The following FHL5 variants were observed in gnomAD, a reference collection of about 807,000 sequenced individuals.
FHL5 encodes the protein four and a half LIM domains protein 5.
A neutral mutation model predicts 32.0 loss-of-function variants in FHL5; 33 were observed. The ratio of observed to expected loss-of-function variants is 1.03; its 90% CI spans 0.78 to 1.38. The LOEUF is 1.38. Among genes scored for constraint, FHL5 ranks in the 40% most tolerant of loss-of-function variants. FHL5 has a pLI of 0.00. For synonymous variants in FHL5, 114 were observed against 113.6 expected (o/e 1.00, Z -0.02); for missense variants, 336 against 343.9 (o/e 0.98, Z 0.18).
Position 96,617,985 on chromosome 6 carries a change from G to A in FHL5, c.*2213G>A, listed in dbSNP as rs28555281. 0.12 allele frequency among the ~76,000 whole-genome samples: 18,505 copies of A among 152,152 alleles called. 1,200 individuals are homozygous for A. Among genetic ancestry groups the A allele is most frequent in the East Asian group, 0.25 (1,314 of 5,168 alleles). ...GCCAAAAGTTAGAGCTTATACTGTT[G>A]TGGGTCTGGAGTTGTAGGAGGATGG... On this transcript the variant is annotated 3_prime_UTR_variant, in exon 6 of 6. Transcript: ENST00000450218.
chr6:96,567,665 A>G, intron 1 of FHL5, among the ~76,000 whole-genome samples: 1 of 151,368 alleles, frequency 6.6e-6, no homozygotes, highest in East Asian at 1.9e-4. Context: ...AATTTTTTTT[A>G]TCAGTGTTTT....
At chr6:96,579,187 C>G (rs1012625764) in intron 1 of FHL5, among the ~76,000 whole-genome samples, 4 of 152,112 alleles carry the variant, frequency 2.6e-5, no homozygotes, top group Admixed American at 2.6e-4. Context: ...AATTCTGCAT[C>G]ATGAAAAAAT....
chr6:96,616,306 C>T lies in FHL5; in HGVS notation c.*534C>T, dbSNP rs1002014380. 2.0e-5 allele frequency: 3 copies of T among 152,134 alleles called. No individual in the cohort carries two copies. The highest frequency in any genetic ancestry group is 4.4e-5 in the Non-Finnish European group (3 of 68,048). The allele number at this position is 152,134 out of a possible 1,614,324, so 9.4% of individuals were successfully genotyped here. A position where few individuals can be genotyped will look rare whatever the true frequency, so the allele number is the denominator to read the frequency against. ...TCATCCTTTTTTTCACACATACTGA[C>T]TGTAGAATTAAAAAACAAAGCTACA... On this transcript the variant is annotated 3_prime_UTR_variant, in exon 6 of 6. Coordinates refer to ENST00000450218, the MANE Select transcript of FHL5 (RefSeq NM_001322466.2).
At position 96,610,559 on chromosome 6, in the gene FHL5, T is replaced by C. The variant is rs763450543; in HGVS notation, c.505-13T>C. ...GCTCCCATGGTCATTGCCTTTTCTGTGGTCTTTGGCAGGTGATAACTTCAG... is the reference window on the plus strand; with the variant it reads ...GCTCCCATGGTCATTGCCTTTTCTGCGGTCTTTGGCAGGTGATAACTTCAG... On this transcript the variant is annotated splice_polypyrimidine_tract_variant and intron_variant, in intron 4 of 5. Transcript: ENST00000450218. 6.2e-7 allele frequency: 1 copy of C among 1,607,668 alleles called. No individual in the cohort carries two copies. The highest frequency in any genetic ancestry group is 8.5e-7 in the Non-Finnish European group (1 of 1,174,838).
chr6:96,566,859 T>C (rs1192376173), intron 1 of FHL5, among the ~76,000 whole-genome samples: 1 of 151,966 alleles, frequency 6.6e-6, no homozygotes, highest in Non-Finnish European at 1.5e-5. Flanking sequence ...TTATTTGCTA[T>C]TGAGCTCATT....
intron 1 of FHL5, among the ~76,000 whole-genome samples, chr6:96,572,999 G>T (rs534597767): frequency 6.6e-6 from 1 of 152,248 alleles, no homozygotes; most frequent in East Asian, 1.9e-4. Flanking sequence ...CTATCTTGCT[G>T]CTATCTCTCT....
In FHL5 at chr6:96,612,078, C is replaced by T. The variant is rs117423398; in HGVS notation, c.691+1320C>T. The stretch of plus-strand genomic sequence containing the variant: ...TGCATGGGGCATGCCCTCTCTGTCC[C>T]TTGCACCCTGTCTGCATCACTCAGC... On this transcript the variant is annotated intron_variant, in intron 5 of 5. Coordinates refer to ENST00000450218, the MANE Select transcript of FHL5 (RefSeq NM_001322466.2). Among the ~76,000 whole-genome samples the T allele has an allele frequency of 1.2e-3, 179 of 152,326 alleles. 3 individuals are homozygous for T. In the East Asian group the frequency reaches 0.032, roughly 28 times the overall value.
At chr6:96,590,342 A>G (rs181555110) in intron 1 of FHL5, among the ~76,000 whole-genome samples, 4 of 151,978 alleles carry the variant, frequency 2.6e-5, no homozygotes, top group Non-Finnish European at 4.4e-5. Context: ...ATAATTTTCT[A>G]TGTAGAGAGC....
chr6:96,594,234 T>C (rs1171595665), intron 1 of FHL5, among the ~76,000 whole-genome samples: 2 of 28,162 alleles, frequency 7.1e-5, no homozygotes, highest in African/African-American at 1.8e-4. Flanking sequence ...AATTTATATA[T>C]ATATATATAT....
In FHL5 at chr6:96,575,376, T is replaced by C. The variant is rs368077482; in HGVS notation, c.-13+12021T>C. 4.3e-4 allele frequency among the ~76,000 whole-genome samples: 66 copies of C among 152,326 alleles called. 1 individual carries two copies. The highest frequency in any genetic ancestry group is 1.5e-3 in the African/African-American group (61 of 41,574). Reference sequence around the variant, plus strand: ...GATCAATTTATTATCAACCTCATTATTGTTAATGCGGGAGTAGAAAACAAA... The same window carrying C: ...GATCAATTTATTATCAACCTCATTACTGTTAATGCGGGAGTAGAAAACAAA... On this transcript the variant is annotated intron_variant, in intron 1 of 5. Coordinates refer to ENST00000450218, the MANE Select transcript of FHL5 (RefSeq NM_001322466.2).
At chr6:96,563,884 A>C (rs1770298452) in intron 1 of FHL5, among the ~76,000 whole-genome samples, 1 of 152,168 alleles carries the variant, frequency 6.6e-6, no homozygotes, top group Admixed American at 6.5e-5. Context: ...GCATACAAAA[A>C]TTCATAATCT....
At chr6:96,610,192 T>A (rs192013035) in intron 4 of FHL5, among the ~76,000 whole-genome samples, 1 of 152,278 alleles carries the variant, frequency 6.6e-6, no homozygotes, top group East Asian at 1.9e-4. Context: ...CAGAGAAGTA[T>A]GAGGAAGTGA....
At chr6:96,598,387 T>G (rs1771079241) in intron 1 of FHL5, among the ~76,000 whole-genome samples, 1 of 152,192 alleles carries the variant, frequency 6.6e-6, no homozygotes, top group African/African-American at 2.4e-5. Flanking sequence ...ATCCAGGAAA[T>G]GCCTTTAGCT....
chr6:96,600,635 T>C (rs1771128798), intron 1 of FHL5, among the ~76,000 whole-genome samples: 1 of 152,186 alleles, frequency 6.6e-6, no homozygotes, highest in African/African-American at 2.4e-5. Context: ...GTGTGTATCA[T>C]TTATATAGTT....
In FHL5 at chr6:96,598,089, T is replaced by G. The variant is rs1228983201; in HGVS notation, c.-12-5513T>G. Among the ~76,000 whole-genome samples, 2 of 152,200 alleles carry G rather than the reference T, an allele frequency of 1.3e-5. 1 individual carries two copies. The highest frequency in any genetic ancestry group is 4.8e-5 in the African/African-American group (2 of 41,462). ...CTTTCTAAAATTACCCCAAATGTGGTAGAGACTGCCCTTTGCCTGCTTCCA... is the reference window on the plus strand; with the variant it reads ...CTTTCTAAAATTACCCCAAATGTGGGAGAGACTGCCCTTTGCCTGCTTCCA... On this transcript the variant is annotated intron_variant, in intron 1 of 5. Transcript: ENST00000450218.
intron 1 of FHL5, among the ~76,000 whole-genome samples, chr6:96,595,206 TTA>T (rs1422518703): frequency 1.3e-5 from 2 of 151,912 alleles, no homozygotes; most frequent in Admixed American, 6.6e-5. Flanking sequence ...AAATATGTTT[TTA>T]TGTCATCCTA....
intron 1 of FHL5, among the ~76,000 whole-genome samples, chr6:96,587,055 G>A (rs2127965367): frequency 6.6e-6 from 1 of 152,328 alleles, no homozygotes; most frequent in African/African-American, 2.4e-5. Flanking sequence ...AAGAGCAAAG[G>A]TCATGGCAAC....
intron 4 of FHL5, among the ~76,000 whole-genome samples, chr6:96,608,874 C>T (rs1287571736): frequency 6.6e-6 from 1 of 152,124 alleles, no homozygotes; most frequent in Non-Finnish European, 1.5e-5. Flanking sequence ...TCTAATTAAA[C>T]AGTCTTTGGT....
chr6:96,610,548 T>C, intron 4 of FHL5, 24 bp from the exon 5 acceptor site: 1 of 1,589,026 alleles, frequency 6.3e-7, no homozygotes, highest in African/African-American at 1.3e-5. Context: ...CCATGGTCAT[T>C]GCCTTTTCTG....
Sources: gnomAD v4.1 joint callset for allele counts (sites outside exome capture counted in the v4.1 genomes callset) on GRCh38, gnomAD v4.1.1 for gene constraint, MANE v1.5 for transcripts, NCBI Gene and HGNC (gene_info 2026-07-23, HGNC 2026-07-21) for gene names.